DNAJC1: variants seen among roughly 807,000 people sequenced by gnomAD.
The protein encoded by DNAJC1 is DnaJ heat shock protein family (Hsp40) member C1, also known as dnaJ homolog subfamily C member 1.
DNAJC1 carries 58 observed loss-of-function variants against 76.6 expected under a neutral mutation model. The observed-to-expected ratio is 0.76, with a 90% CI of 0.61 to 0.94. The LOEUF (loss-of-function observed/expected upper bound fraction) is 0.94. Among genes scored for constraint, DNAJC1 ranks in the 40% least tolerant of loss-of-function variants. DNAJC1 has a pLI of 0.00. For synonymous variants in DNAJC1, 258 were observed against 267.9 expected, an observed-to-expected ratio of 0.96 and a Z score of 0.36; for missense variants, 689 against 677.3, an observed-to-expected ratio of 1.02 and a Z score of -0.19.
At chr10:21,809,973 G>C (rs1160930378) in intron 8 of DNAJC1, among the ~76,000 whole-genome samples, 1 of 151,098 alleles carries the variant, frequency 6.6e-6, no homozygotes, top group Non-Finnish European at 1.5e-5. Context: ...GGGGTGGGGG[G>C]AATGGGGGAG....
chr10:21,896,585 C>CTT (rs1267035290), intron 7 of DNAJC1, among the ~76,000 whole-genome samples: 2 of 152,142 alleles, frequency 1.3e-5, no homozygotes, highest in Admixed American at 1.3e-4. Context: ...AATTGTACAC[C>CTT]TTGAGTCTCA....
In DNAJC1 at chr10:21,799,324, G is replaced by C. The variant is rs553612517; in HGVS notation, c.1098+6656C>G. Among the ~76,000 whole-genome samples the C allele has an allele frequency of 3.3e-5, 5 of 151,824 alleles. No homozygotes were observed. The East Asian group carries it at 9.7e-4, about 30-fold the overall frequency. ...TTGTTGTTTTTTTGTTTTGAGACAG[G>C]GGCTCACTCTATCACCCAGGCTGGA... is the stretch of plus-strand genomic sequence containing the variant. On this transcript the variant is annotated intron_variant, in intron 9 of 11. Transcript: ENST00000376980.
At chr10:21,861,864 T>C (rs1835920047) in intron 8 of DNAJC1, among the ~76,000 whole-genome samples, 1 of 152,206 alleles carries the variant, frequency 6.6e-6, no homozygotes, top group Admixed American at 6.5e-5. Flanking sequence ...CCCTTGGGGC[T>C]GCTCGATCTG....
chr10:21,990,739 T>G (rs940293783), intron 1 of DNAJC1, among the ~76,000 whole-genome samples: 1 of 152,184 alleles, frequency 6.6e-6, no homozygotes, highest in Non-Finnish European at 1.5e-5. Context: ...AAATTTTTGT[T>G]TTGTTGTTGT....
At chr10:21,879,680 G>GTTTA (rs1281840687) in intron 8 of DNAJC1, among the ~76,000 whole-genome samples, 1 of 152,138 alleles carries the variant, frequency 6.6e-6, no homozygotes, top group Admixed American at 6.6e-5. Flanking sequence ...TTGTAGCTTA[G>GTTTA]TTTATTAAGT....
intron 8 of DNAJC1, among the ~76,000 whole-genome samples, chr10:21,856,168 A>G (rs999945127): frequency 6.6e-6 from 1 of 152,350 alleles, no homozygotes; most frequent in South Asian, 2.1e-4. Context: ...TAAAGAAACC[A>G]AATTTTCCCA....
At chr10:21,880,076 T>C (rs1836248762) in intron 8 of DNAJC1, among the ~76,000 whole-genome samples, 1 of 152,362 alleles carries the variant, frequency 6.6e-6, no homozygotes, top group Non-Finnish European at 1.5e-5. Flanking sequence ...TCACCAGGAA[T>C]AGATTCCATC....
chr10:21,946,078 T>C (rs1392636853), intron 1 of DNAJC1, among the ~76,000 whole-genome samples: 2 of 141,002 alleles, frequency 1.4e-5, no homozygotes, highest in Admixed American at 7.2e-5. Context: ...TTTTGCTCTG[T>C]TGCCCAGGCT....
In DNAJC1 at chr10:21,916,643, C is replaced by T. The variant is rs182420219; in HGVS notation, c.729+2136G>A. On this transcript the variant is annotated intron_variant, in intron 6 of 11. Transcript: ENST00000376980. Reference sequence around the variant, plus strand: ...TTGACCACTGTTCCAATTACCAATCCAGATAACTTCGGGTGAAAAAGACTT... The same window carrying T: ...TTGACCACTGTTCCAATTACCAATCTAGATAACTTCGGGTGAAAAAGACTT... Among the ~76,000 whole-genome samples, 269 of 152,198 alleles carry T rather than the reference C, an allele frequency of 1.8e-3. 2 individuals carry two copies. Among genetic ancestry groups the T allele is most frequent in the Middle Eastern group, 6.8e-3 (2 of 294 alleles).
chr10:21,799,569 C>T (rs1001658945), intron 9 of DNAJC1, among the ~76,000 whole-genome samples: 3 of 152,158 alleles, frequency 2.0e-5, no homozygotes, highest in African/African-American at 7.2e-5. Flanking sequence ...TATCAAAGTG[C>T]TGGGATTACA....
At chr10:21,897,053 T>G (rs139615919) in intron 7 of DNAJC1, among the ~76,000 whole-genome samples, 26 of 152,232 alleles carry the variant, frequency 1.7e-4, no homozygotes, top group African/African-American at 6.3e-4. Context: ...GATCTTGGAC[T>G]CCCCAGCATC....
At chr10:21,963,910 G>C (rs1837844657) in intron 1 of DNAJC1, among the ~76,000 whole-genome samples, 1 of 150,644 alleles carries the variant, frequency 6.6e-6, no homozygotes, top group Non-Finnish European at 1.5e-5. Context: ...ATTTATTTTA[G>C]AATGAGTGTT....
chr10:22,001,191 C>T (rs532152221), intron 1 of DNAJC1, among the ~76,000 whole-genome samples: 64 of 152,318 alleles, frequency 4.2e-4, no homozygotes, highest in African/African-American at 1.4e-3. Context: ...AGAGCCAGGT[C>T]ACCACTTTCA....
intron 7 of DNAJC1, among the ~76,000 whole-genome samples, chr10:21,900,897 T>C (rs1836641113): frequency 6.6e-6 from 1 of 152,174 alleles, no homozygotes; most frequent in Non-Finnish European, 1.5e-5. Flanking sequence ...TTTTCCTTCT[T>C]CCCTACCAAC....
chr10:21,790,415 A>T (rs977446558), intron 9 of DNAJC1, among the ~76,000 whole-genome samples: 1 of 152,004 alleles, frequency 6.6e-6, no homozygotes, highest in Non-Finnish European at 1.5e-5. Flanking sequence ...TGGCAAGAGA[A>T]AAATGTCAAG....
intron 9 of DNAJC1, among the ~76,000 whole-genome samples, chr10:21,767,813 T>C (rs989415083): frequency 2.0e-5 from 3 of 152,060 alleles, no homozygotes; most frequent in Admixed American, 6.5e-5. Flanking sequence ...CTGGTCAATA[T>C]AGCAAAACCT....
chr10:21,846,700 G>C (rs1835664728), intron 8 of DNAJC1, among the ~76,000 whole-genome samples: 1 of 151,986 alleles, frequency 6.6e-6, no homozygotes, highest in African/African-American at 2.4e-5. Context: ...GCCAAAATGA[G>C]GTTAGGATTA....
intron 9 of DNAJC1, among the ~76,000 whole-genome samples, chr10:21,768,742 T>C (rs1834332203): frequency 1.3e-5 from 2 of 152,232 alleles, no homozygotes; most frequent in Non-Finnish European, 2.9e-5. Flanking sequence ...ATGAGCTTCC[T>C]TGACTTCTGA....
At position 21,762,530 on chromosome 10, in the gene DNAJC1, T is replaced by C. The variant is rs573050492; in HGVS notation, c.1148-2912A>G. ...CAAGTTTACCATGCTCTGGTATTCATTGTGCAATACAAATTATGAAAACAT... is the reference window on the plus strand; with the variant it reads ...CAAGTTTACCATGCTCTGGTATTCACTGTGCAATACAAATTATGAAAACAT... On this transcript the variant is annotated intron_variant, in intron 10 of 11. Transcript: ENST00000376980. Among the ~76,000 whole-genome samples the C allele has an allele frequency of 1.1e-4, 17 of 152,366 alleles. 1 individual carries two copies. The highest frequency in any genetic ancestry group is 1.0e-3 in the South Asian group (5 of 4,822).
Sources: gnomAD v4.1 joint callset for allele counts (sites outside exome capture counted in the v4.1 genomes callset) on GRCh38, gnomAD v4.1.1 for gene constraint, MANE v1.5 for transcripts, NCBI Gene and HGNC (gene_info 2026-07-23, HGNC 2026-07-21) for gene names.